Variants in SOCS7 observed in about 807,000 individuals in gnomAD.
The protein encoded by SOCS7 is NAP-4.
SOCS7 carries 18 observed loss-of-function variants against 58.9 expected under a neutral mutation model. The ratio of observed to expected loss-of-function variants is 0.31; its 90% CI spans 0.21 to 0.45. The LOEUF (loss-of-function observed/expected upper bound fraction) is 0.45. Among genes scored for constraint, SOCS7 ranks in the 20% least tolerant of loss-of-function variants. The pLI is 1.00. For synonymous variants in SOCS7, 388 were observed against 364.3 expected, an observed-to-expected ratio of 1.06 and a Z score of -0.74; for missense variants, 667 against 837.3, an observed-to-expected ratio of 0.80 and a Z score of 2.51.
At position 38,352,691 on chromosome 17, in the gene SOCS7, G is replaced by A. The variant is rs750220558; in HGVS notation, c.639G>A (p.Arg213=). The A allele has an allele frequency of 3.2e-5, 49 of 1,549,916 alleles. 1 individual carries two copies. The South Asian group carries it at 3.6e-4, about 11-fold the overall frequency. ...SPGRGGGGGG[R]LLLQPPGPEL... ...GTCGCGGAGGAGGAGGGGGCGGCCGGCTTCTGCTGCAGCCCCCAGGCCCTG... is the reference window on the plus strand; with the variant it reads ...GTCGCGGAGGAGGAGGGGGCGGCCGACTTCTGCTGCAGCCCCCAGGCCCTG... Residue 213 remains arginine, a synonymous_variant, in exon 1 of 10, where the codon CGG becomes CGA. Coordinates refer to ENST00000612932, the MANE Select transcript of SOCS7 (RefSeq NM_014598.4). This position sits in a 1 kb window ranked among gnomAD's most constrained non-coding sequence, Gnocchi z 5.5.
intron 7 of SOCS7, among the ~76,000 whole-genome samples, chr17:38,394,061 G>T (rs2038213416): frequency 6.6e-6 from 1 of 152,176 alleles, no homozygotes; most frequent in Admixed American, 6.5e-5. Flanking sequence ...AAAGAATCTT[G>T]TTTACCTTCC....
At chr17:38,378,104 AT>A (rs2037955098) in intron 7 of SOCS7, among the ~76,000 whole-genome samples, 1 of 152,204 alleles carries the variant, frequency 6.6e-6, no homozygotes, top group Non-Finnish European at 1.5e-5. Flanking sequence ...TCATGTGAAC[AT>A]TTGACATTTG....
chr17:38,355,987 G>A (rs951897571), intron 1 of SOCS7, among the ~76,000 whole-genome samples: 4 of 152,032 alleles, frequency 2.6e-5, no homozygotes, highest in East Asian at 3.9e-4. Flanking sequence ...GGGTTCAAGC[G>A]ATTCTTCTGC....
chr17:38,356,825 A>G (rs2037646594), intron 1 of SOCS7, among the ~76,000 whole-genome samples: 2 of 152,226 alleles, frequency 1.3e-5, no homozygotes, highest in South Asian at 2.1e-4. Context: ...GTAATCTAGC[A>G]TTGCTATTTC....
At chr17:38,361,999 T>C (rs41470848) in intron 2 of SOCS7, among the ~76,000 whole-genome samples, 2 of 152,182 alleles carry the variant, frequency 1.3e-5, no homozygotes, top group African/African-American at 2.4e-5. Flanking sequence ...TGTTGGTAAT[T>C]AGGTGGCCTG....
Position 38,401,291 on chromosome 17 carries a change from A to G in SOCS7, c.*1809A>G, listed in dbSNP as rs991557111. The G allele has an allele frequency of 3.9e-5, 6 of 152,068 alleles. No individual in the cohort carries two copies. Among genetic ancestry groups the G allele is most frequent in the African/African-American group, 1.4e-4 (6 of 41,394 alleles). 9.4% of individuals were successfully genotyped at this position (152,068 alleles called of 1,614,324 possible). ...GGCTTCCATGGTAGTATTATCAACT[A>G]AGCAAGATTGTGATCCCAGAAATTG... is the stretch of plus-strand genomic sequence containing the variant. On this transcript the variant is annotated 3_prime_UTR_variant, in exon 10 of 10. Coordinates refer to ENST00000612932, the MANE Select transcript of SOCS7 (RefSeq NM_014598.4).
At chr17:38,353,475 C>T (rs779899387) in intron 1 of SOCS7, among the ~76,000 whole-genome samples, 31 of 152,226 alleles carry the variant, frequency 2.0e-4, no homozygotes, top group Admixed American at 1.0e-3. Flanking sequence ...ATGCAAATGA[C>T]AGGAGAATCT....
chr17:38,397,426 C>G (rs146570456), intron 9 of SOCS7, among the ~76,000 whole-genome samples: 3 of 152,244 alleles, frequency 2.0e-5, no homozygotes, highest in African/African-American at 4.8e-5. Context: ...TGTTCCTGAT[C>G]ATGCCACACC....
At chr17:38,389,907 A>ATATATATGTACATATATATAT (rs2038146563) in intron 7 of SOCS7, among the ~76,000 whole-genome samples, 1 of 90,200 alleles carries the variant, frequency 1.1e-5, no homozygotes, top group African/African-American at 4.2e-5. Context: ...ATACACATAT[A>ATATATATGTACATATATATAT]GAGAGAGAGA....
At position 38,352,500 on chromosome 17, in the gene SOCS7, CCT is replaced by C. The variant is rs2037568619; in HGVS notation, c.450_451del (p.Pro151SerfsTer43). 1.3e-6 allele frequency: 2 copies of C among 1,539,254 alleles called. No individual in the cohort carries two copies. The highest frequency in any genetic ancestry group is 2.7e-5 in the African/African-American group (2 of 72,732). ...VGGGCCPCPC[P>X]PQPPPPQPQP... ...TGGGGGTTGCTGCCCGTGTCCGTGT[CCT>C]CCTCAGCCGCCCCCTCCGCAGCCCC... On this transcript the variant is annotated frameshift_variant, in exon 1 of 10. Coordinates refer to ENST00000612932, the MANE Select transcript of SOCS7 (RefSeq NM_014598.4). LOFTEE classifies it high-confidence loss of function. The surrounding 1 kb of genome is among the most constrained non-coding windows in gnomAD (Gnocchi z 5.5).
At chr17:38,366,151 T>A in intron 4 of SOCS7, 136 bp from the exon 5 acceptor site, 1 of 1,342,064 alleles carries the variant, frequency 7.5e-7, no homozygotes, top group South Asian at 1.5e-5. Context: ...TGCCACTGCT[T>A]TGGCTTCTAC....
intron 5 of SOCS7, among the ~76,000 whole-genome samples, chr17:38,367,234 A>G (rs2037802512): frequency 6.6e-6 from 1 of 150,904 alleles, no homozygotes; most frequent in South Asian, 2.1e-4. Flanking sequence ...CCAGCTAATT[A>G]CTGTATTTTT....
In SOCS7 at chr17:38,363,534, C is replaced by T. The variant is rs587768637; in HGVS notation, c.1046-1218C>T. Among the ~76,000 whole-genome samples, 12 of 152,252 alleles carry T rather than the reference C, an allele frequency of 7.9e-5. No individual in the cohort carries two copies. In the South Asian group the frequency reaches 1.7e-3, roughly 21 times the overall value. On this transcript the variant is annotated intron_variant, in intron 2 of 9. Coordinates refer to ENST00000612932, the MANE Select transcript of SOCS7 (RefSeq NM_014598.4). ...TATTTTTGTAGAGACGGGGTCTTAACGTGTTGCCCAGGCTGGTCTTGAACT... is the reference window on the plus strand; with the variant it reads ...TATTTTTGTAGAGACGGGGTCTTAATGTGTTGCCCAGGCTGGTCTTGAACT...
At chr17:38,378,303 C>T (rs1444741247) in intron 7 of SOCS7, among the ~76,000 whole-genome samples, 1 of 151,866 alleles carries the variant, frequency 6.6e-6, no homozygotes, top group Non-Finnish European at 1.5e-5. Flanking sequence ...TTTGAGAGGC[C>T]GAGGTGGGAG....
chr17:38,396,769 G>A (rs2038250185), intron 9 of SOCS7, among the ~76,000 whole-genome samples: 1 of 152,230 alleles, frequency 6.6e-6, no homozygotes, highest in Admixed American at 6.5e-5. Flanking sequence ...CATGACTTTG[G>A]TGGTGGTGGT....
At chr17:38,364,913 C>G in intron 3 of SOCS7, 57 bp downstream of exon 3, 1 of 1,377,924 alleles carries the variant, frequency 7.3e-7, no homozygotes, top group South Asian at 1.2e-5. Context: ...GCTCCAGGGA[C>G]TTGTTCTTTG....
At chr17:38,379,204 G>A (rs2144363017) in intron 7 of SOCS7, among the ~76,000 whole-genome samples, 1 of 151,498 alleles carries the variant, frequency 6.6e-6, no homozygotes, top group South Asian at 2.1e-4. Flanking sequence ...CAAGGCAGGG[G>A]TTGGTGGCTC....
chr17:38,369,401 C>T (rs968049045), intron 6 of SOCS7, among the ~76,000 whole-genome samples: 2 of 151,916 alleles, frequency 1.3e-5, no homozygotes, highest in African/African-American at 2.4e-5. Flanking sequence ...AGAGATAACA[C>T]GAAGAGAAAG....
At chr17:38,395,800 ATTTTGTATAAAAACCTTTTG>A in intron 8 of SOCS7, 28 bp from the exon 9 acceptor site, 1 of 1,584,468 alleles carries the variant, frequency 6.3e-7, no homozygotes, top group Non-Finnish European at 8.6e-7. Context: ...CTTCTTTTAT[ATTTTGTATAAAAACCTTTTG>A]TGTATATCCG....
Sources: gnomAD v4.1 joint callset for allele counts (sites outside exome capture counted in the v4.1 genomes callset) on GRCh38, gnomAD v4.1.1 for gene constraint, Gnocchi (gnomAD v3.1) non-coding constraint, MANE v1.5 for transcripts, NCBI Gene and HGNC (gene_info 2026-07-23, HGNC 2026-07-21) for gene names.